Variants in TENT4B observed in about 807,000 individuals in gnomAD.
TENT4B encodes the protein PAP associated domain containing 5.
TENT4B carries 10 observed loss-of-function variants against 75.0 expected under a neutral mutation model. The observed-to-expected ratio is 0.13, with a 90% CI of 0.08 to 0.23. The LOEUF (loss-of-function observed/expected upper bound fraction) is 0.23, where lower values mean the gene tolerates loss of function less well. TENT4B is among the 10% of genes least tolerant of loss of function. TENT4B has a pLI of 1.00. For missense variants in TENT4B, 579 were observed against 893.8 expected (o/e 0.65, Z 4.49); for synonymous variants, 350 against 357.7 (o/e 0.98, Z 0.24).
At chr16:50,174,987 C>T (rs570349746) in intron 1 of TENT4B, among the ~76,000 whole-genome samples, 8 of 152,116 alleles carry the variant, frequency 5.3e-5, no homozygotes, top group South Asian at 2.1e-4. Flanking sequence ...CTGATCCACC[C>T]GCCTCAGCCT....
chr16:50,185,218 C>G (rs1395514467), intron 1 of TENT4B, among the ~76,000 whole-genome samples: 1 of 152,124 alleles, frequency 6.6e-6, no homozygotes, highest in Admixed American at 6.5e-5. Context: ...AATTATCAAC[C>G]AATCTTACTG....
chr16:50,156,131 G>C (rs2037894824), intron 1 of TENT4B, among the ~76,000 whole-genome samples: 1 of 152,016 alleles, frequency 6.6e-6, no homozygotes, highest in African/African-American at 2.4e-5. Flanking sequence ...TTTAAAAACT[G>C]GTTGTAAACC....
chr16:50,167,446 G>T, intron 1 of TENT4B, among the ~76,000 whole-genome samples: 1 of 146,606 alleles, frequency 6.8e-6, no homozygotes, highest in Non-Finnish European at 1.5e-5. Flanking sequence ...CTGATTAAAA[G>T]CTTTAATCTT....
intron 11 of TENT4B, 81 bp downstream of exon 11, chr16:50,228,084 T>A (rs1419263744): frequency 6.6e-7 from 1 of 1,504,218 alleles, no homozygotes; most frequent in African/African-American, 1.4e-5. Context: ...ATATGCAGCA[T>A]GGGTTTGAAG....
chr16:50,169,476 T>C (rs1373796223), intron 1 of TENT4B, among the ~76,000 whole-genome samples: 1 of 151,330 alleles, frequency 6.6e-6, no homozygotes, highest in Non-Finnish European at 1.5e-5. Context: ...TTAATGTCTT[T>C]TTGTGGTATT....
Position 50,232,176 on chromosome 16 carries a change from A to G in TENT4B, c.*2848A>G, listed in dbSNP as rs1322006703. 3 of 985,070 alleles carry G rather than the reference A, an allele frequency of 3.0e-6. No individual in the cohort carries two copies. The highest frequency in any genetic ancestry group is 9.4e-5 in the South Asian group (2 of 21,282). The allele number at this position is 985,070 out of a possible 1,614,324, so 61.0% of individuals were successfully genotyped here. ...ATGTTTTGATGATAAAAGTATATCCATTTTTTCCCTCCAGCTTTAAGGTGA... is the reference window on the plus strand; with the variant it reads ...ATGTTTTGATGATAAAAGTATATCCGTTTTTTCCCTCCAGCTTTAAGGTGA... On this transcript the variant is annotated 3_prime_UTR_variant, in exon 12 of 12. Coordinates refer to ENST00000561678, the MANE Select transcript of TENT4B (RefSeq NM_001365324.3).
At chr16:50,223,873 C>A (rs2031932767) in intron 7 of TENT4B, among the ~76,000 whole-genome samples, 1 of 152,156 alleles carries the variant, frequency 6.6e-6, no homozygotes, top group African/African-American at 2.4e-5. Context: ...TCTCTTTGTG[C>A]TTTTTCCAGC....
chr16:50,167,120 G>T (rs1218957619), intron 1 of TENT4B, among the ~76,000 whole-genome samples: 2 of 152,152 alleles, frequency 1.3e-5, no homozygotes, highest in African/African-American at 2.4e-5. Context: ...AGATCGGGGT[G>T]TCCAATCTTT....
chr16:50,161,812 G>A (rs1030430149), intron 1 of TENT4B, among the ~76,000 whole-genome samples: 2 of 152,022 alleles, frequency 1.3e-5, no homozygotes, highest in African/African-American at 4.8e-5. Context: ...GCCTTTTTTA[G>A]ATTTCACCAG....
chr16:50,232,694 G>A lies in TENT4B; in HGVS notation c.*3366G>A, dbSNP rs2032332136. 3 of 985,190 alleles carry A rather than the reference G, an allele frequency of 3.0e-6. No homozygotes were observed. The highest frequency in any genetic ancestry group is 2.4e-6 in the Non-Finnish European group (2 of 829,922). The allele number at this position is 985,190 out of a possible 1,614,324, so 61.0% of individuals were successfully genotyped here. A position where few individuals can be genotyped will look rare whatever the true frequency, so the allele number is the denominator to read the frequency against. ...TTGCAAAGCCCTCTCCAGTGACTAG[G>A]AGGTGTAGTTATTAAGGTTGATCTG... On this transcript the variant is annotated 3_prime_UTR_variant, in exon 12 of 12. Transcript: ENST00000561678.
At position 50,153,652 on chromosome 16, in the gene TENT4B, G is replaced by A; in HGVS notation, c.31G>A (p.Glu11Lys). The A allele has an allele frequency of 9.9e-7, 1 of 1,010,128 alleles. No homozygotes were observed. Among genetic ancestry groups the A allele is most frequent in the Non-Finnish European group, 1.2e-6 (1 of 847,102 alleles). The allele number at this position is 1,010,128 out of a possible 1,614,324, so 62.6% of individuals were successfully genotyped here. A position where few individuals can be genotyped will look rare whatever the true frequency, so the allele number is the denominator to read the frequency against. MDPRIAWFQPEQLGPSNSLWM... is the reference protein window; with the variant it reads MDPRIAWFQPKQLGPSNSLWM... ...TCCGAGGATCGCCTGGTTTCAGCCA[G>A]AGCAGCTCGGACCGTCCAACAGTCT... The change falls in exon 1 of 12, where the codon GAG (glutamate) becomes AAG (lysine). Residue 11 changes from glutamate (E) to lysine (K), a missense_variant. Transcript: ENST00000561678.
intron 1 of TENT4B, among the ~76,000 whole-genome samples, chr16:50,176,051 G>C (rs2038301821): frequency 6.6e-6 from 1 of 151,676 alleles, no homozygotes; most frequent in South Asian, 2.1e-4. Flanking sequence ...CCAAAGTGTT[G>C]GGATTACAGA....
At chr16:50,172,457 A>G (rs1009675859) in intron 1 of TENT4B, among the ~76,000 whole-genome samples, 1 of 152,060 alleles carries the variant, frequency 6.6e-6, no homozygotes, top group Non-Finnish European at 1.5e-5. Context: ...TCCTGAAACC[A>G]ATCCCCTGAG....
rs185230637 is a variant in TENT4B, at chr16:50,232,662, A to T, written c.*3334A>T. 9.1e-6 allele frequency: 9 copies of T among 985,268 alleles called. No individual in the cohort carries two copies. In the African/African-American group the frequency reaches 1.6e-4, roughly 17 times the overall value. 61.0% of individuals were successfully genotyped at this position (985,268 alleles called of 1,614,324 possible). ...ACGTGCAGGATTCTCTTGCTGTGAC[A>T]TGTTCATTGCAAAGCCCTCTCCAGT... On this transcript the variant is annotated 3_prime_UTR_variant, in exon 12 of 12. Coordinates refer to ENST00000561678, the MANE Select transcript of TENT4B (RefSeq NM_001365324.3).
chr16:50,220,289 CTTTTTTATTTTATTTTT>C (rs1052737875), intron 5 of TENT4B, among the ~76,000 whole-genome samples: 4 of 151,386 alleles, frequency 2.6e-5, no homozygotes, highest in African/African-American at 9.7e-5. Context: ...AGCCCGGCCA[CTTTTTTATTTTATTTTT>C]TAAGTAGAGA....
chr16:50,174,511 T>C (rs1413858704), intron 1 of TENT4B, among the ~76,000 whole-genome samples: 1 of 152,218 alleles, frequency 6.6e-6, no homozygotes, highest in Non-Finnish European at 1.5e-5. Flanking sequence ...TTTTGATACA[T>C]GCATACAATG....
chr16:50,167,768 A>G (rs1441308086), intron 1 of TENT4B, among the ~76,000 whole-genome samples: 1 of 151,830 alleles, frequency 6.6e-6, no homozygotes, highest in Non-Finnish European at 1.5e-5. Context: ...AGCAATTCTC[A>G]TGCTTCAGCA....
In TENT4B at chr16:50,230,197, A is replaced by G. The variant is rs1006396702; in HGVS notation, c.*869A>G. 2.7e-5 allele frequency: 27 copies of G among 983,854 alleles called. No individual in the cohort carries two copies. Among genetic ancestry groups the G allele is most frequent in the Non-Finnish European group, 3.0e-5 (25 of 829,754 alleles). 60.9% of individuals were successfully genotyped at this position (983,854 alleles called of 1,614,324 possible). A position where few individuals can be genotyped will look rare whatever the true frequency, so the allele number is the denominator to read the frequency against. On this transcript the variant is annotated 3_prime_UTR_variant, in exon 12 of 12. Transcript: ENST00000561678. Reference sequence around the variant, plus strand: ...GGTCATCTCCGAGAATTAACTTGCAACTGTTTTCTATAGTGCTGTCGTCTT... The same window carrying G: ...GGTCATCTCCGAGAATTAACTTGCAGCTGTTTTCTATAGTGCTGTCGTCTT...
In TENT4B at chr16:50,182,891, C is replaced by CTTTTTTTTTTTTTTTTTTT. The variant is rs869060811; in HGVS notation, c.639-28419_639-28401dup. Among the ~76,000 whole-genome samples the CTTTTTTTTTTTTTTTTTTT allele has an allele frequency of 1.7e-3, 61 of 36,474 alleles. 15 individuals carry two copies. The highest frequency in any genetic ancestry group is 4.7e-3 in the East Asian group (4 of 848). The allele number at this position is 36,474 out of a possible 152,430, so 23.9% of individuals were successfully genotyped here. A position where few individuals can be genotyped will look rare whatever the true frequency, so the allele number is the denominator to read the frequency against. On this transcript the variant is annotated intron_variant, in intron 1 of 11. Coordinates refer to ENST00000561678, the MANE Select transcript of TENT4B (RefSeq NM_001365324.3). ...CCAAGTACAGCAAGTTTTATTTTACCTTTTTTTTTTTTTTTTTTTTTTTTT... is the reference window on the plus strand; with the variant it reads ...CCAAGTACAGCAAGTTTTATTTTACCTTTTTTTTTTTTTTTTTTTTTTTTTTTTTTTTTTTTTTTTTTTT...
Sources: allele counts gnomAD v4.1 joint callset (sites outside exome capture counted in the v4.1 genomes callset), GRCh38; gene constraint gnomAD v4.1.1; transcripts MANE v1.5; gene names NCBI Gene and HGNC (gene_info 2026-07-23, HGNC 2026-07-21).